Variants in SCFD1 observed in about 807,000 individuals in gnomAD.
SCFD1 encodes the protein sec1 family domain-containing protein 1.
A neutral mutation model predicts 103.2 loss-of-function variants in SCFD1; 37 were observed. The observed-to-expected ratio is 0.36, with a 90% CI of 0.28 to 0.47. The LOEUF (loss-of-function observed/expected upper bound fraction) is 0.47. SCFD1 is among the 20% of genes least tolerant of loss of function. The pLI, the probability that SCFD1 is intolerant of heterozygous loss-of-function variation, is 1.00. For missense variants in SCFD1, 639 were observed against 761.2 expected, an observed-to-expected ratio of 0.84 and a Z score of 1.89; for synonymous variants, 264 against 245.0, an observed-to-expected ratio of 1.08 and a Z score of -0.73.
chr14:30,671,093 G>A (rs572384582), intron 11 of SCFD1, among the ~76,000 whole-genome samples: 82 of 152,166 alleles, frequency 5.4e-4, no homozygotes, highest in African/African-American at 1.9e-3. Flanking sequence ...ATTTCAAAAT[G>A]TGTGTGTGTC....
intron 2 of SCFD1, among the ~76,000 whole-genome samples, chr14:30,629,725 G>T (rs1043019138): frequency 6.6e-6 from 1 of 151,784 alleles, no homozygotes; most frequent in Non-Finnish European, 1.5e-5. Context: ...TTACAGGCAC[G>T]TGCCACCACA....
chr14:30,622,397 C>T lies in SCFD1; in HGVS notation c.59C>T (p.Thr20Ile). Residue 20 changes from threonine to isoleucine, a missense_variant and splice_region_variant, in exon 1 of 25, where the codon ACA becomes ATA. Physicochemically the swap from Thr to Ile is moderately conservative, Grantham distance 89 (BLOSUM62 -1). Coordinates refer to ENST00000458591, the MANE Select transcript of SCFD1 (RefSeq NM_016106.4). ...AAAASIRERQ[T>I]VALKRMLNFN... Reference sequence around the variant, plus strand: ...GCAGCCAGTATTCGGGAAAGGCAGACAGGTACTGACTTATTCTCTTCTCCT... The same window carrying T: ...GCAGCCAGTATTCGGGAAAGGCAGATAGGTACTGACTTATTCTCTTCTCCT... 6.4e-7 allele frequency: 1 copy of T among 1,552,704 alleles called. No homozygotes were observed. The highest frequency in any genetic ancestry group is 1.4e-5 in the African/African-American group (1 of 73,246).
chr14:30,669,260 T>G (rs1888311996), intron 10 of SCFD1, among the ~76,000 whole-genome samples: 1 of 152,084 alleles, frequency 6.6e-6, no homozygotes, highest in Non-Finnish European at 1.5e-5. Context: ...TAATCATTAA[T>G]TCAAAATATA....
At chr14:30,631,121 AG>A (rs1360912608) in intron 3 of SCFD1, among the ~76,000 whole-genome samples, 2 of 152,206 alleles carry the variant, frequency 1.3e-5, no homozygotes, top group Non-Finnish European at 2.9e-5. Context: ...TGGGAGGCCA[AG>A]GCGGGCAAAT....
At chr14:30,684,646 A>G (rs1409862953) in intron 14 of SCFD1, among the ~76,000 whole-genome samples, 1 of 150,418 alleles carries the variant, frequency 6.6e-6, no homozygotes, top group African/African-American at 2.4e-5. Context: ...TGGCTCTCAG[A>G]GTTTATGTTC....
chr14:30,633,886 G>A, intron 3 of SCFD1, 61 bp from the exon 4 acceptor site: 1 of 941,524 alleles, frequency 1.1e-6, no homozygotes, highest in East Asian at 2.7e-5. Flanking sequence ...CTCCCATTTT[G>A]AGGAATATTG....
At chr14:30,717,708 A>G (rs1014605551) in intron 20 of SCFD1, among the ~76,000 whole-genome samples, 7 of 151,750 alleles carry the variant, frequency 4.6e-5, no homozygotes, top group African/African-American at 1.5e-4. Flanking sequence ...CCTGGCCAAC[A>G]TGGTGAAACC....
intron 15 of SCFD1, among the ~76,000 whole-genome samples, chr14:30,695,132 A>G (rs1359286829): frequency 6.6e-6 from 1 of 152,156 alleles, no homozygotes; most frequent in African/African-American, 2.4e-5. Context: ...GATATATGTA[A>G]AGCTTAATAT....
intron 4 of SCFD1, chr14:30,635,096 C>T: frequency 2.6e-6 from 1 of 386,186 alleles, no homozygotes; most frequent in Non-Finnish European, 5.1e-6. Context: ...AATCAAATTG[C>T]TATTTAAATT....
At chr14:30,680,673 A>G (rs1220609334) in intron 14 of SCFD1, among the ~76,000 whole-genome samples, 1 of 152,196 alleles carries the variant, frequency 6.6e-6, no homozygotes, top group African/African-American at 2.4e-5. Flanking sequence ...ATGCACCTGT[A>G]ATCCTGGCCA....
chr14:30,672,740 C>A (rs1888670651), intron 11 of SCFD1, among the ~76,000 whole-genome samples: 1 of 152,018 alleles, frequency 6.6e-6, no homozygotes, highest in African/African-American at 2.4e-5. Flanking sequence ...AAACTGTGGC[C>A]CAAGTGCTAT....
intron 10 of SCFD1, among the ~76,000 whole-genome samples, chr14:30,667,906 CACAA>C (rs1484859093): frequency 6.6e-6 from 1 of 152,076 alleles, no homozygotes. Context: ...TAAAAGAGGA[CACAA>C]ACAAATGGAA....
chr14:30,666,924 CA>C lies in SCFD1; in HGVS notation c.856-3323del, dbSNP rs201480764. On this transcript the variant is annotated intron_variant, in intron 10 of 24. Coordinates refer to ENST00000458591, the MANE Select transcript of SCFD1 (RefSeq NM_016106.4). ...GGCAGTAATCAATAGCCTACCAACC[CA>C]AAAAAAAAGTCCAGGACCAGGTGAA... is the stretch of plus-strand genomic sequence containing the variant. Among the ~76,000 whole-genome samples the C allele has an allele frequency of 3.7e-3, 554 of 149,936 alleles. 6 individuals are homozygous for C. Among genetic ancestry groups the C allele is most frequent in the African/African-American group, 0.013 (522 of 41,020 alleles).
chr14:30,661,875 G>A (rs1887484900), intron 10 of SCFD1, among the ~76,000 whole-genome samples: 1 of 152,200 alleles, frequency 6.6e-6, no homozygotes, highest in East Asian at 1.9e-4. Context: ...AAATCCAATT[G>A]AAACTGTTAT....
At chr14:30,644,230 T>C (rs1268280377) in intron 7 of SCFD1, among the ~76,000 whole-genome samples, 1 of 152,244 alleles carries the variant, frequency 6.6e-6, no homozygotes, top group Admixed American at 6.5e-5. Context: ...GTATCACAAA[T>C]TGTTTATCCA....
At chr14:30,629,818 C>T (rs188047102) in intron 2 of SCFD1, among the ~76,000 whole-genome samples, 6 of 152,078 alleles carry the variant, frequency 3.9e-5, no homozygotes, top group Non-Finnish European at 7.4e-5. Flanking sequence ...CCTAGTGATC[C>T]GCCCACCTCG....
At chr14:30,627,910 C>T (rs1039023826) in intron 1 of SCFD1, among the ~76,000 whole-genome samples, 10 of 147,924 alleles carry the variant, frequency 6.8e-5, no homozygotes, top group Admixed American at 6.0e-4. Flanking sequence ...CCAGACAGTA[C>T]ACAGGCAACA....
intron 10 of SCFD1, among the ~76,000 whole-genome samples, chr14:30,665,865 T>A (rs1161509133): frequency 6.6e-6 from 1 of 152,008 alleles, no homozygotes; most frequent in Non-Finnish European, 1.5e-5. Context: ...TATATGCACC[T>A]AATACAGGAG....
At chr14:30,657,256 T>C (rs1012732567) in intron 10 of SCFD1, among the ~76,000 whole-genome samples, 2 of 152,034 alleles carry the variant, frequency 1.3e-5, no homozygotes, top group Admixed American at 6.5e-5. Context: ...ATAAGACACA[T>C]GTACAAATAA....
Sources: allele counts gnomAD v4.1 joint callset (sites outside exome capture counted in the v4.1 genomes callset), GRCh38; gene constraint gnomAD v4.1.1; transcripts MANE v1.5; gene names NCBI Gene and HGNC (gene_info 2026-07-23, HGNC 2026-07-21).